The following TIAM1 variants were observed in gnomAD, a reference collection of about 807,000 sequenced individuals.
TIAM1 encodes the protein TIAM Rac1 associated GEF 1.
TIAM1 carries 65 observed loss-of-function variants against 163.5 expected under a neutral mutation model. The observed-to-expected ratio is 0.40, with a 90% CI of 0.33 to 0.49. The LOEUF is 0.49. TIAM1 is among the 20% of genes least tolerant of loss of function. The pLI is 0.77. For synonymous variants in TIAM1, 833 were observed against 810.1 expected, an observed-to-expected ratio of 1.03 and a Z score of -0.48; for missense variants, 1,789 against 2,044.7, an observed-to-expected ratio of 0.87 and a Z score of 2.41.
chr21:31,524,340 C>A (rs2047708248), intron 1 of TIAM1, among the ~76,000 whole-genome samples: 1 of 152,086 alleles, frequency 6.6e-6, no homozygotes, highest in Non-Finnish European at 1.5e-5. Context: ...TCACACTTTA[C>A]AACAGCCAGA....
intron 14 of TIAM1, 75 bp downstream of exon 14, chr21:31,186,926 C>G (rs765892445): frequency 6.4e-6 from 8 of 1,249,600 alleles, no homozygotes; most frequent in South Asian, 1.2e-5. Context: ...TTGGGCATAT[C>G]TTTCTCCTTC....
chr21:31,306,975 G>T (rs1031091695), intron 2 of TIAM1, among the ~76,000 whole-genome samples: 1 of 152,054 alleles, frequency 6.6e-6, no homozygotes, highest in Non-Finnish European at 1.5e-5. Context: ...TGGTACTCTC[G>T]AATGATTTAG....
intron 16 of TIAM1, among the ~76,000 whole-genome samples, chr21:31,157,940 G>A (rs2083708177): frequency 6.6e-6 from 1 of 152,164 alleles, no homozygotes; most frequent in Non-Finnish European, 1.5e-5. Flanking sequence ...TCAAAGGCAG[G>A]AAATTCCAAA....
At chr21:31,218,394 C>A (rs538102191) in intron 8 of TIAM1, among the ~76,000 whole-genome samples, 1 of 151,966 alleles carries the variant, frequency 6.6e-6, no homozygotes, top group Non-Finnish European at 1.5e-5. Context: ...ATGGTGAAAC[C>A]CTGTCTTAAC....
intron 2 of TIAM1, among the ~76,000 whole-genome samples, chr21:31,305,428 A>T (rs1174769914): frequency 1.7e-4 from 26 of 151,232 alleles, no homozygotes; most frequent in Non-Finnish European, 2.2e-4. Flanking sequence ...AAAATAAAAA[A>T]AAAAAAAAAA....
rs372103197 is a variant in TIAM1, at chr21:31,280,596, ATG to A, written c.-188-3690_-188-3689del. ...TCAAATAAGCAGTTTTCACAGGAAA[ATG>A]TGTGTACTGGAAGTATTACCAAAAC... On this transcript the variant is annotated intron_variant, in intron 2 of 27. Transcript: ENST00000541036. 2.5e-3 allele frequency among the ~76,000 whole-genome samples: 383 copies of A among 152,316 alleles called. 5 individuals carry two copies. In the Middle Eastern group the frequency reaches 0.034, roughly 14 times the overall value.
chr21:31,319,268 T>C (rs2075227219), intron 2 of TIAM1, among the ~76,000 whole-genome samples: 1 of 152,104 alleles, frequency 6.6e-6, no homozygotes, highest in Non-Finnish European at 1.5e-5. Context: ...TCAACTGGTG[T>C]ACAAGTGCAT....
intron 2 of TIAM1, among the ~76,000 whole-genome samples, chr21:31,286,506 A>G (rs111884582): frequency 0.045 from 6,884 of 152,148 alleles, 449 homozygotes; most frequent in African/African-American, 0.15. Context: ...TCAGAAGTTC[A>G]AGACCAGCCT....
At chr21:31,128,254 C>T (rs56990883) in intron 25 of TIAM1, among the ~76,000 whole-genome samples, 3,232 of 152,210 alleles carry the variant, frequency 0.021, 124 homozygotes, top group African/African-American at 0.074. Flanking sequence ...AGAAATTCCA[C>T]GTTGTGATTC....
intron 13 of TIAM1, among the ~76,000 whole-genome samples, chr21:31,187,756 G>A (rs1235380744): frequency 6.6e-6 from 1 of 152,054 alleles, no homozygotes. Context: ...GTGAGGCCGA[G>A]GTATTCTACG....
At chr21:31,185,142 T>C (rs1013485614) in intron 14 of TIAM1, among the ~76,000 whole-genome samples, 2 of 151,458 alleles carry the variant, frequency 1.3e-5, no homozygotes, top group African/African-American at 4.9e-5. Flanking sequence ...GTTCAATACA[T>C]ATTATTTTGC....
At chr21:31,399,034 TAAATA>T (rs1322371149) in intron 2 of TIAM1, among the ~76,000 whole-genome samples, 2 of 151,718 alleles carry the variant, frequency 1.3e-5, no homozygotes, top group African/African-American at 2.4e-5. Flanking sequence ...AATAAATAGA[TAAATA>T]AAATAAAATA....
chr21:31,413,518 C>G (rs1204191597), intron 2 of TIAM1, among the ~76,000 whole-genome samples: 1 of 151,976 alleles, frequency 6.6e-6, no homozygotes, highest in Non-Finnish European at 1.5e-5. Context: ...GATCCACCCG[C>G]CCCGGCCTCC....
chr21:31,127,850 A>C (rs2082269437), intron 25 of TIAM1, among the ~76,000 whole-genome samples: 1 of 152,170 alleles, frequency 6.6e-6, no homozygotes, highest in South Asian at 2.1e-4. Flanking sequence ...CAGGGATACG[A>C]CAGGTAAGCC....
intron 2 of TIAM1, among the ~76,000 whole-genome samples, chr21:31,413,860 C>T (rs183509674): frequency 1.3e-5 from 2 of 152,192 alleles, no homozygotes; most frequent in South Asian, 2.1e-4. Flanking sequence ...GACCCAGTCC[C>T]AAAGCTGTGA....
rs139447221 is a variant in TIAM1 at position 31,376,224 on chromosome 21, C to A, written c.-368-36802G>T. Among the ~76,000 whole-genome samples, 1,159 of 152,196 alleles carry A rather than the reference C, an allele frequency of 7.6e-3. 7 individuals carry two copies. Among genetic ancestry groups the A allele is most frequent in the Middle Eastern group, 0.014 (4 of 294 alleles). ...AATGAGTAGCATGAACAGATGTATA[C>A]ATTCACACACGCATGTACACATGTG... is the stretch of plus-strand genomic sequence containing the variant. On this transcript the variant is annotated intron_variant, in intron 2 of 28. Coordinates refer to the TIAM1 transcript ENST00000286827.
At chr21:31,219,962 A>C (rs2087466391) in intron 8 of TIAM1, among the ~76,000 whole-genome samples, 1 of 152,226 alleles carries the variant, frequency 6.6e-6, no homozygotes, top group Non-Finnish European at 1.5e-5. Context: ...AAAAGGAATA[A>C]ATTATAACAT....
rs2082126451 is a variant in TIAM1, at chr21:31,124,687, C to T, written c.4141G>A (p.Glu1381Lys). Residue 1381 changes from glutamate to lysine, a missense_variant, in exon 27 of 28, where the codon GAG becomes AAG. Glu to Lys is a moderately conservative substitution (Grantham distance 56). This residue lies in a region of TIAM1 where 415 missense variants were observed against 439.2 expected (regional missense o/e 0.94). Coordinates refer to ENST00000541036, the MANE Select transcript of TIAM1 (RefSeq NM_001353694.2). ...RVFHLCCSSPESRKDFLKAVH... is the reference protein window; with the variant it reads ...RVFHLCCSSPKSRKDFLKAVH... ...GCCTTTAGGAAATCCTTTCGGCTCT[C>T]TGGGGAGCTAGGAAAAGAAGATTTA... 6.4e-7 allele frequency: 1 copy of T among 1,573,368 alleles called. No individual in the cohort carries two copies. The highest frequency in any genetic ancestry group is 2.3e-5 in the East Asian group (1 of 44,082).
intron 15 of TIAM1, among the ~76,000 whole-genome samples, chr21:31,171,742 T>C (rs183703245): frequency 1.6e-3 from 243 of 152,300 alleles, no homozygotes; most frequent in Non-Finnish European, 2.7e-3. Context: ...GTGATTTGCT[T>C]TGATAATATG....
Sources: gnomAD v4.1 joint callset for allele counts (sites outside exome capture counted in the v4.1 genomes callset) on GRCh38, gnomAD v4.1.1 for gene constraint, gnomAD v4.1.1 regional missense constraint, MANE v1.5 for transcripts, NCBI Gene and HGNC (gene_info 2026-07-23, HGNC 2026-07-21) for gene names.